CREB3L2: variants seen among roughly 807,000 people sequenced by gnomAD.
The protein encoded by CREB3L2 is cyclic AMP-responsive element-binding protein 3-like protein 2.
CREB3L2 carries 23 observed loss-of-function variants against 57.2 expected under a neutral mutation model. The observed-to-expected ratio is 0.40, with a 90% CI of 0.29 to 0.57. The LOEUF (loss-of-function observed/expected upper bound fraction) is 0.57, where lower values mean the gene tolerates loss of function less well. CREB3L2 is among the 20% of genes least tolerant of loss of function. The pLI is 0.42. For synonymous variants in CREB3L2, 268 were observed against 265.1 expected, an observed-to-expected ratio of 1.01 and a Z score of -0.11; for missense variants, 628 against 634.7, an observed-to-expected ratio of 0.99 and a Z score of 0.11.
At chr7:137,997,314 C>T (rs921581116) in intron 1 of CREB3L2, among the ~76,000 whole-genome samples, 6 of 152,162 alleles carry the variant, frequency 3.9e-5, no homozygotes, top group African/African-American at 1.4e-4. Context: ...TCTTGACTTC[C>T]ACTTCCCCAA....
At chr7:137,924,328 T>C (rs968283672) in intron 2 of CREB3L2, among the ~76,000 whole-genome samples, 1 of 152,206 alleles carries the variant, frequency 6.6e-6, no homozygotes, top group African/African-American at 2.4e-5. Flanking sequence ...TGTTCTTGTA[T>C]CATCTTAGAG....
rs1472418916 is a variant in CREB3L2, at chr7:137,882,753, T to C, written c.1271-125A>G. 1.2e-5 allele frequency: 7 copies of C among 607,350 alleles called. No individual in the cohort carries two copies. In the East Asian group the frequency reaches 1.4e-4, roughly 12 times the overall value. 37.6% of individuals were successfully genotyped at this position (607,350 alleles called of 1,614,324 possible). Reference sequence around the variant, plus strand: ...TGTGTGTTCTCGTTGCCCAGAACCATGGGTGCCAACAGAATTTGGCTTTCT... The same window carrying C: ...TGTGTGTTCTCGTTGCCCAGAACCACGGGTGCCAACAGAATTTGGCTTTCT... On this transcript the variant is annotated intron_variant, in intron 10 of 11. Transcript: ENST00000330387.
chr7:137,968,408 T>C (rs1801445906), intron 1 of CREB3L2, among the ~76,000 whole-genome samples: 1 of 152,124 alleles, frequency 6.6e-6, no homozygotes, highest in Non-Finnish European at 1.5e-5. Context: ...CCCCTCCCTT[T>C]GTCCATGTGT....
chr7:137,901,889 A>AAAAAAAAG (rs1193862745), intron 7 of CREB3L2, among the ~76,000 whole-genome samples: 9 of 148,624 alleles, frequency 6.1e-5, no homozygotes, highest in Non-Finnish European at 9.0e-5. Context: ...AAAAAAAAAA[A>AAAAAAAAG]AAAGAAAAAT....
In CREB3L2 at chr7:137,926,524, A is replaced by C. The variant is rs555420570; in HGVS notation, c.319+1626T>G. 2.0e-5 allele frequency among the ~76,000 whole-genome samples: 3 copies of C among 152,286 alleles called. No homozygotes were observed. In the East Asian group the frequency reaches 5.8e-4, roughly 29 times the overall value. On this transcript the variant is annotated intron_variant, in intron 2 of 11. Transcript: ENST00000330387. ...GTTCTCACTCCTAAGTGGGAGTTGA[A>C]CAATGAGAACACATAGACACAGGGA...
rs146662805 is a variant in CREB3L2 at position 137,951,943 on chromosome 7, T to A, written c.103-23577A>T. Among the ~76,000 whole-genome samples, 34 of 152,254 alleles carry A rather than the reference T, an allele frequency of 2.2e-4. No homozygotes were observed. The East Asian group carries it at 6.6e-3, about 29-fold the overall frequency. On this transcript the variant is annotated intron_variant, in intron 1 of 11. Transcript: ENST00000330387. ...AGGTGGAGGCTCTAGTGAGTCAGGA[T>A]CACGCCACTGCACTATAACCTGGGT...
chr7:137,949,703 T>C (rs963023245), intron 1 of CREB3L2, among the ~76,000 whole-genome samples: 1 of 152,230 alleles, frequency 6.6e-6, no homozygotes, highest in Non-Finnish European at 1.5e-5. Flanking sequence ...CATGAATGTT[T>C]ACTTTGGAAC....
chr7:137,999,506 C>T (rs557415835), intron 1 of CREB3L2, among the ~76,000 whole-genome samples: 22 of 151,504 alleles, frequency 1.5e-4, no homozygotes, highest in African/African-American at 3.6e-4. Context: ...AAATATTAAT[C>T]GAAAGAACAA....
intron 1 of CREB3L2, among the ~76,000 whole-genome samples, chr7:137,979,661 G>C (rs1210826809): frequency 6.6e-6 from 1 of 152,212 alleles, no homozygotes; most frequent in Non-Finnish European, 1.5e-5. Context: ...GAGAGGCGGA[G>C]CTTGCAGTGA....
At chr7:137,901,280 G>T in intron 8 of CREB3L2, 74 bp downstream of exon 8, 3 of 1,002,734 alleles carry the variant, frequency 3.0e-6, no homozygotes, top group Non-Finnish European at 1.6e-6. Flanking sequence ...GCCATCCCTG[G>T]TTCTGGATTC....
chr7:137,966,767 T>A (rs274013), intron 1 of CREB3L2, among the ~76,000 whole-genome samples: 2 of 152,054 alleles, frequency 1.3e-5, no homozygotes, highest in Admixed American at 6.5e-5. Context: ...ACTGTGCTTC[T>A]GAATCCTTGT....
chr7:137,905,739 T>G lies in CREB3L2; in HGVS notation c.878A>C (p.Lys293Thr). The G allele has an allele frequency of 6.2e-7, 1 of 1,614,178 alleles. No individual in the cohort carries two copies. Among genetic ancestry groups the G allele is most frequent in the South Asian group, 1.1e-5 (1 of 91,076 alleles). ...TKLPLSKSEE[K>T]ALKKIRRKIK... Reference sequence around the variant, plus strand: ...CTTCCTCCGAATTTTCTTCAGGGCCTTCTCCTCTGATTTTGACAGGGGCAA... The same window carrying G: ...CTTCCTCCGAATTTTCTTCAGGGCCGTCTCCTCTGATTTTGACAGGGGCAA... The change falls in exon 6 of 12, where the codon AAG becomes ACG. Residue 293 changes from lysine (K) to threonine (T), a missense_variant. Lys to Thr is a moderately conservative substitution (Grantham distance 78). Transcript: ENST00000330387.
intron 1 of CREB3L2, among the ~76,000 whole-genome samples, chr7:137,970,765 T>C (rs1801492657): frequency 6.6e-6 from 1 of 152,212 alleles, no homozygotes; most frequent in Non-Finnish European, 1.5e-5. Flanking sequence ...TCCATAGGGC[T>C]GGACAGCAGG....
At chr7:137,976,926 ATCT>A (rs1801617707) in intron 1 of CREB3L2, among the ~76,000 whole-genome samples, 1 of 152,232 alleles carries the variant, frequency 6.6e-6, no homozygotes, top group South Asian at 2.1e-4. Flanking sequence ...GCAGCCTGCC[ATCT>A]TCTTGCACGT....
chr7:137,885,586 C>T (rs1585590357), intron 8 of CREB3L2, 84 bp from the exon 9 acceptor site: 2 of 1,099,752 alleles, frequency 1.8e-6, no homozygotes, highest in Non-Finnish European at 2.8e-6. Flanking sequence ...AAGAAGGCCG[C>T]CGTGCCTTTG....
chr7:137,955,920 G>A (rs992077976), intron 1 of CREB3L2, among the ~76,000 whole-genome samples: 1 of 152,150 alleles, frequency 6.6e-6, no homozygotes, highest in Non-Finnish European at 1.5e-5. Flanking sequence ...GATGTATGGG[G>A]ACAGTCACTG....
chr7:137,903,937 A>G, intron 7 of CREB3L2, 22 bp downstream of exon 7: 1 of 1,603,786 alleles, frequency 6.2e-7, no homozygotes. Context: ...CGATGAACGC[A>G]ACAGTTTGCC....
At chr7:137,919,714 T>C (rs1391626281) in intron 2 of CREB3L2, among the ~76,000 whole-genome samples, 1 of 152,188 alleles carries the variant, frequency 6.6e-6, no homozygotes, top group East Asian at 1.9e-4. Context: ...ATCCATACAA[T>C]GGAATATTTA....
chr7:137,887,624 G>T (rs372295837), intron 8 of CREB3L2, among the ~76,000 whole-genome samples: 1 of 151,970 alleles, frequency 6.6e-6, no homozygotes, highest in Non-Finnish European at 1.5e-5. Flanking sequence ...CAGGAGAATC[G>T]CTTGAACCCA....
Sources: gnomAD v4.1 joint callset for allele counts (sites outside exome capture counted in the v4.1 genomes callset) on GRCh38, gnomAD v4.1.1 for gene constraint, MANE v1.5 for transcripts, NCBI Gene and HGNC (gene_info 2026-07-23, HGNC 2026-07-21) for gene names.